The following MTCL3 variants were observed in gnomAD, a reference collection of about 807,000 sequenced individuals.
MTCL3 encodes microtubule cross-linking factor 3.
At chr6:127,480,084 C>T in the MTCL3 span, among the ~76,000 whole-genome samples, 3 of 152,084 alleles carry the variant, frequency 2.0e-5, no homozygotes. Flanking sequence ...ATTGAAGATA[C>T]AAATTACATG....
At chr6:127,492,621 C>T in the MTCL3 span, among the ~76,000 whole-genome samples, 39 of 152,174 alleles carry the variant, frequency 2.6e-4, no homozygotes, top group African/African-American at 8.4e-4. Flanking sequence ...CCTGGGTTCA[C>T]GATGTTCTCC....
chr6:127,480,964 T>C, the MTCL3 span, among the ~76,000 whole-genome samples: 2 of 152,184 alleles, frequency 1.3e-5, no homozygotes, highest in Non-Finnish European at 2.9e-5. Context: ...TGCTACAGTA[T>C]ACTTATAAAA....
chr6:127,512,311 A>G, the MTCL3 span, among the ~76,000 whole-genome samples: 1 of 152,192 alleles, frequency 6.6e-6, no homozygotes, highest in African/African-American at 2.4e-5. Context: ...ATGTAAAAAA[A>G]AAAGGAAAAT....
the MTCL3 span, among the ~76,000 whole-genome samples, chr6:127,485,555 C>T: frequency 1.3e-5 from 2 of 152,106 alleles, no homozygotes; most frequent in African/African-American, 2.4e-5. Context: ...GGTGGCAGTA[C>T]AAATCGCTGT....
At chr6:127,504,957 A>C in the MTCL3 span, among the ~76,000 whole-genome samples, 1 of 152,194 alleles carries the variant, frequency 6.6e-6, no homozygotes, top group African/African-American at 2.4e-5. Flanking sequence ...CATATGGTTA[A>C]AAACCCCACC....
the MTCL3 span, chr6:127,482,765 C>T: frequency 1.9e-6 from 1 of 531,288 alleles, no homozygotes. This position sits in a 1 kb window ranked among gnomAD's most constrained non-coding sequence, Gnocchi z 4.1. Context: ...TTTATACTAC[C>T]TGTATCTACA....
chr6:127,501,531 T>G, the MTCL3 span, among the ~76,000 whole-genome samples: 9,136 of 152,294 alleles, frequency 0.06, 306 homozygotes, highest in African/African-American at 0.09. Flanking sequence ...GGTAAGAAAC[T>G]GTTACTTTGT....
At chr6:127,516,365 T>A in the MTCL3 span, 1 of 1,600,426 alleles carries the variant, frequency 6.2e-7, no homozygotes, top group Non-Finnish European at 8.5e-7. Context: ...CTCCCGGTCT[T>A]GTTACCCTGC....
At chr6:127,499,314 T>C in the MTCL3 span, among the ~76,000 whole-genome samples, 1 of 152,098 alleles carries the variant, frequency 6.6e-6, no homozygotes, top group African/African-American at 2.4e-5. Flanking sequence ...AAAAAGGTCT[T>C]TAAAATTCAA....
the MTCL3 span, chr6:127,475,559 C>G: frequency 6.2e-7 from 1 of 1,610,358 alleles, no homozygotes; most frequent in Non-Finnish European, 8.5e-7. This position sits in a 1 kb window ranked among gnomAD's most constrained non-coding sequence, Gnocchi z 7.3. Flanking sequence ...CCCAGGCGCT[C>G]GGCCTCCGAG....
At chr6:127,497,827 C>G in the MTCL3 span, among the ~76,000 whole-genome samples, 115 of 152,136 alleles carry the variant, frequency 7.6e-4, no homozygotes, top group African/African-American at 2.6e-3. Flanking sequence ...TGCACTGAGT[C>G]AAAACAAATC....
the MTCL3 span, among the ~76,000 whole-genome samples, chr6:127,487,417 C>T: frequency 6.6e-6 from 1 of 152,248 alleles, no homozygotes; most frequent in South Asian, 2.1e-4. Flanking sequence ...TTAAATCAAT[C>T]TGTAAATACT....
At chr6:127,482,658 C>T in the MTCL3 span, among the ~76,000 whole-genome samples, 1 of 152,128 alleles carries the variant, frequency 6.6e-6, no homozygotes, top group African/African-American at 2.4e-5. This position sits in a 1 kb window ranked among gnomAD's most constrained non-coding sequence, Gnocchi z 4.1. Flanking sequence ...TCAAATATAG[C>T]AGCGTATAAA....
chr6:127,503,224 A>G, the MTCL3 span, among the ~76,000 whole-genome samples: 1 of 152,206 alleles, frequency 6.6e-6, no homozygotes, highest in African/African-American at 2.4e-5. Flanking sequence ...GGAGGCAGAC[A>G]GACTTGGGTG....
At chr6:127,518,157 A>G in the MTCL3 span, among the ~76,000 whole-genome samples, 1 of 152,214 alleles carries the variant, frequency 6.6e-6, no homozygotes, top group Non-Finnish European at 1.5e-5. Flanking sequence ...TGTTTTCTAC[A>G]TCTTCTCTCC....
At chr6:127,509,787 C>T in the MTCL3 span, among the ~76,000 whole-genome samples, 1 of 152,154 alleles carries the variant, frequency 6.6e-6, no homozygotes, top group Non-Finnish European at 1.5e-5. Flanking sequence ...GCTTACAACC[C>T]TTATCCACAG....
At chr6:127,474,566 A>G in the MTCL3 span, among the ~76,000 whole-genome samples, 1 of 151,838 alleles carries the variant, frequency 6.6e-6, no homozygotes, top group Non-Finnish European at 1.5e-5. Context: ...CCTGCCATCA[A>G]TTCTGTTTTA....
At chr6:127,486,999 G>A in the MTCL3 span, among the ~76,000 whole-genome samples, 4 of 152,118 alleles carry the variant, frequency 2.6e-5, no homozygotes, top group East Asian at 1.9e-4. Flanking sequence ...AATCAAGAAG[G>A]AAACTATAGA....
chr6:127,497,539 G>A, the MTCL3 span, among the ~76,000 whole-genome samples: 3 of 152,236 alleles, frequency 2.0e-5, no homozygotes, highest in Admixed American at 6.5e-5. Flanking sequence ...CAGAGTCAGT[G>A]TACCTGAGTG....
Sources: allele counts gnomAD v4.1 joint callset (sites outside exome capture counted in the v4.1 genomes callset), GRCh38; gene constraint gnomAD v4.1.1; non-coding constraint Gnocchi (gnomAD v3.1); transcripts MANE v1.5; gene names NCBI Gene and HGNC (gene_info 2026-07-23, HGNC 2026-07-21).